Variants in CEBPZ observed in about 807,000 individuals in gnomAD.
CEBPZ encodes CCAAT/enhancer-binding protein zeta.
In CEBPZ, 78 loss-of-function variants were observed where a neutral mutation model predicts 104.5. That is an observed-to-expected ratio of 0.75 (90% CI 0.62 to 0.90). The LOEUF is 0.90. Among genes scored for constraint, CEBPZ ranks in the 40% least tolerant of loss-of-function variants. CEBPZ has a pLI of 0.00. For missense variants in CEBPZ, 1,439 were observed against 1,233.5 expected, an observed-to-expected ratio of 1.17 and a Z score of -2.50; for synonymous variants, 470 against 427.0, an observed-to-expected ratio of 1.10 and a Z score of -1.24.
intron 13 of CEBPZ, among the ~76,000 whole-genome samples, chr2:37,206,080 T>C (rs1371609795): frequency 1.3e-5 from 2 of 152,166 alleles, no homozygotes; most frequent in Non-Finnish European, 2.9e-5. Context: ...CAAATGTGAG[T>C]GGGCACCATC....
chr2:37,230,296 T>A (rs1558480685), intron 1 of CEBPZ, among the ~76,000 whole-genome samples: 1 of 152,186 alleles, frequency 6.6e-6, no homozygotes, highest in Non-Finnish European at 1.5e-5. Context: ...TTCATACACA[T>A]AAATGAGTAT....
chr2:37,205,083 C>T (rs993008595), intron 13 of CEBPZ, among the ~76,000 whole-genome samples: 4 of 152,062 alleles, frequency 2.6e-5, no homozygotes, highest in Non-Finnish European at 5.9e-5. Context: ...TGGAAGATAA[C>T]GTGTTATAAT....
At position 37,227,811 on chromosome 2, in the gene CEBPZ, A is replaced by G. The variant is rs759573239; in HGVS notation, c.1382T>C (p.Leu461Ser). ...SHEESELANK[L>S]ITVYFCFFRT... ...AAAAAAGCAAAAGTAAACAGTTATT[A>G]ATTTGTTAGCCAATTCACTTTCTTC... The change falls in exon 2 of 16, where the codon TTA (leucine) becomes TCA (serine). Residue 461 changes from leucine (L) to serine (S), a missense_variant. Physicochemically the swap from Leu to Ser is moderately radical, Grantham distance 145. Coordinates refer to ENST00000234170, the MANE Select transcript of CEBPZ (RefSeq NM_005760.3). 3.7e-6 allele frequency: 6 copies of G among 1,614,106 alleles called. No homozygotes were observed. The highest frequency in any genetic ancestry group is 1.7e-5 in the Admixed American group (1 of 60,020).
At chr2:37,221,174 T>C (rs1165570194) in intron 4 of CEBPZ, among the ~76,000 whole-genome samples, 1 of 149,464 alleles carries the variant, frequency 6.7e-6, no homozygotes. Flanking sequence ...CAACTAGCCA[T>C]ACCTGGTGGC....
Position 37,223,379 on chromosome 2 carries a change from T to G in CEBPZ, c.1672A>C (p.Met558Leu). The G allele has an allele frequency of 6.2e-7, 1 of 1,614,146 alleles. No homozygotes were observed. Among genetic ancestry groups the G allele is most frequent in the Non-Finnish European group, 8.5e-7 (1 of 1,179,984 alleles). ...LYRKMLDPGLMTCSKQAMFLN... is the reference protein window; with the variant it reads ...LYRKMLDPGLLTCSKQAMFLN... ...AACATAGCTTGCTTGGAACACGTCATCAACCCTGGATCCAACATCTTCCTG... is the reference window on the plus strand; with the variant it reads ...AACATAGCTTGCTTGGAACACGTCAGCAACCCTGGATCCAACATCTTCCTG... Residue 558 changes from methionine (M) to leucine (L), a missense_variant, in exon 3 of 16, where the codon ATG becomes CTG. Coordinates refer to ENST00000234170, the MANE Select transcript of CEBPZ (RefSeq NM_005760.3).
rs767242162 is a variant in CEBPZ at position 37,216,223 on chromosome 2, T to G, written c.2312-15A>C. 2 of 1,610,638 alleles carry G rather than the reference T, an allele frequency of 1.2e-6. No homozygotes were observed. The highest frequency in any genetic ancestry group is 2.7e-5 in the African/African-American group (2 of 74,776). On this transcript the variant is annotated splice_polypyrimidine_tract_variant and intron_variant, in intron 7 of 15. Coordinates refer to ENST00000234170, the MANE Select transcript of CEBPZ (RefSeq NM_005760.3). ...ATCTGTGTTTTCTGAAATGTAAAAT[T>G]ATGACAGTATAATGCAAAACCTAGT...
intron 10 of CEBPZ, 76 bp from the exon 11 acceptor site, chr2:37,212,468 AT>A (rs1179671477): frequency 1.1e-4 from 129 of 1,227,422 alleles, no homozygotes; most frequent in Non-Finnish European, 1.5e-4. Context: ...TGAATCAATT[AT>A]TCTAAGTCAT....
chr2:37,219,375 C>T lies in CEBPZ; in HGVS notation c.2154+1010G>A, dbSNP rs367937291. ...AAGACACTAAAATCAGTAATTCTCC[C>T]TGTGTCATCATTCTTAAGTCATACT... On this transcript the variant is annotated intron_variant, in intron 5 of 15. Transcript: ENST00000234170. Among the ~76,000 whole-genome samples the T allele has an allele frequency of 2.6e-5, 4 of 151,492 alleles. No homozygotes were observed. In the South Asian group the frequency reaches 8.3e-4, roughly 32 times the overall value.
Position 37,231,023 on chromosome 2 carries a change from G to A in CEBPZ, c.156+389C>T, listed in dbSNP as rs573835904. Reference sequence around the variant, plus strand: ...ATGCTCCAAAAAAGAGGGCTTCTGGGGCATACAGTGACACGTGCATGTACT... The same window carrying A: ...ATGCTCCAAAAAAGAGGGCTTCTGGAGCATACAGTGACACGTGCATGTACT... On this transcript the variant is annotated intron_variant, in intron 1 of 15. Coordinates refer to ENST00000234170, the MANE Select transcript of CEBPZ (RefSeq NM_005760.3). 9.2e-5 allele frequency among the ~76,000 whole-genome samples: 14 copies of A among 152,196 alleles called. No individual in the cohort carries two copies. In the East Asian group the frequency reaches 2.7e-3, roughly 29 times the overall value.
intron 6 of CEBPZ, 52 bp downstream of exon 6, chr2:37,216,932 A>T (rs1664600527): frequency 6.3e-6 from 9 of 1,420,480 alleles, no homozygotes; most frequent in Non-Finnish European, 8.9e-6. Flanking sequence ...TTGATTATCT[A>T]AAATGATACT....
At chr2:37,208,141 G>A (rs984268495) in intron 13 of CEBPZ, among the ~76,000 whole-genome samples, 7 of 152,046 alleles carry the variant, frequency 4.6e-5, no homozygotes, top group South Asian at 2.1e-4. Flanking sequence ...CAAGTAGCAC[G>A]ACTGAAACAG....
rs747800646 is a variant in CEBPZ at position 37,231,581 on chromosome 2, T to G, written c.-14A>C. The G allele has an allele frequency of 1.2e-6, 2 of 1,614,242 alleles. No individual in the cohort carries two copies. Among genetic ancestry groups the G allele is most frequent in the Non-Finnish European group, 1.7e-6 (2 of 1,180,040 alleles). ...GACTGCGGCCATGGCGGGCAAAGCA[T>G]ACGCGCGTGAAACTCAGCCTATTTC... On this transcript the variant is annotated 5_prime_UTR_variant, in exon 1 of 16. The change abolishes an upstream ATG in the 5' untranslated region. Coordinates refer to ENST00000234170, the MANE Select transcript of CEBPZ (RefSeq NM_005760.3).
In CEBPZ at chr2:37,227,547, T is replaced by C. The variant is rs143633668; in HGVS notation, c.1646A>G (p.Tyr549Cys). 7 of 1,604,326 alleles carry C rather than the reference T, an allele frequency of 4.4e-6. No individual in the cohort carries two copies. The highest frequency in any genetic ancestry group is 6.0e-6 in the Non-Finnish European group (7 of 1,175,442). ...TATTGGAAGGGTATGTTCTTACCTGTATAATGCTGTGTAATATCGATCCGA... is the reference window on the plus strand; with the variant it reads ...TATTGGAAGGGTATGTTCTTACCTGCATAATGCTGTGTAATATCGATCCGA... ...TISDRYYTAL[Y>C]RKMLDPGLMT... Residue 549 changes from tyrosine to cysteine, a missense_variant, in exon 2 of 16, where the codon TAC (tyrosine) becomes TGC (cysteine). Physicochemically the swap from Tyr to Cys is radical, Grantham distance 194 (BLOSUM62 -2). Transcript: ENST00000234170.
chr2:37,229,868 A>G (rs889248280), intron 1 of CEBPZ, among the ~76,000 whole-genome samples: 3 of 151,524 alleles, frequency 2.0e-5, no homozygotes, highest in African/African-American at 4.8e-5. Flanking sequence ...TAAAAAAAAA[A>G]TTTTTTTTTG....
intron 15 of CEBPZ, 178 bp from the exon 16 acceptor site, chr2:37,202,081 A>G (rs1677275137): frequency 7.0e-6 from 3 of 426,770 alleles, no homozygotes; most frequent in Non-Finnish European, 1.2e-5. Flanking sequence ...GTCAAAGATA[A>G]ATGTTTCAAA....
At position 37,231,439 on chromosome 2, in the gene CEBPZ, C is replaced by T; in HGVS notation, c.129G>A (p.Glu43=). The T allele has an allele frequency of 6.2e-7, 1 of 1,614,220 alleles. No homozygotes were observed. ...TSEAENGFSL[E]EVLRLGGTKQ... ...TGGTGCCTCCGAGCCGTAACACTTC[C>T]TCCAGGGAGAACCCATTCTCGGCTT... Residue 43 remains glutamate (E), a synonymous_variant, in exon 1 of 16, where the codon GAG becomes GAA. Transcript: ENST00000234170.
intron 1 of CEBPZ, 25 bp from the exon 2 acceptor site, chr2:37,229,061 A>ATAC: frequency 6.9e-7 from 1 of 1,452,774 alleles, no homozygotes. Flanking sequence ...TAAGTTAAAA[A>ATAC]TACATTACAA....
intron 1 of CEBPZ, 113 bp downstream of exon 1, chr2:37,231,299 C>T: frequency 6.9e-7 from 1 of 1,439,336 alleles, no homozygotes; most frequent in South Asian, 1.2e-5. Flanking sequence ...AGGCTGGGAT[C>T]TCGGTCCTGG....
intron 10 of CEBPZ, among the ~76,000 whole-genome samples, chr2:37,212,850 A>C (rs1212014540): frequency 6.7e-6 from 1 of 148,548 alleles, no homozygotes; most frequent in Non-Finnish European, 1.5e-5. Flanking sequence ...AAAAAAAAAA[A>C]ACAAAAACAA....
Sources: allele counts gnomAD v4.1 joint callset (sites outside exome capture counted in the v4.1 genomes callset), GRCh38; gene constraint gnomAD v4.1.1; transcripts MANE v1.5; gene names NCBI Gene and HGNC (gene_info 2026-07-23, HGNC 2026-07-21).